MAD1L1: variants seen among roughly 807,000 people sequenced by gnomAD.
MAD1L1 encodes mitotic spindle assembly checkpoint protein MAD1.
A neutral mutation model predicts 96.9 loss-of-function variants in MAD1L1; 95 were observed. The observed-to-expected ratio is 0.98, with a 90% confidence interval of 0.83 to 1.16. The LOEUF (loss-of-function observed/expected upper bound fraction) is 1.16, where lower values mean the gene tolerates loss of function less well. MAD1L1 is among the 50% of genes most tolerant of loss of function. The probability of loss-of-function intolerance (pLI) is 0.00; values close to 1 mark genes in which losing one functional copy is unlikely to be tolerated. For synonymous variants in MAD1L1, 473 were observed against 396.6 expected (o/e 1.19, Z -2.29); for missense variants, 1,007 against 954.4 (o/e 1.06, Z -0.73).
rs183263018 is a variant in MAD1L1, at chr7:1,839,621, A to G, written c.1999-23393T>C. On this transcript the variant is annotated intron_variant, in intron 18 of 18. Coordinates refer to ENST00000265854, the MANE Select transcript of MAD1L1 (RefSeq NM_001013836.2). ...TTAGTCAAAGGAGTAACTTTCTAAC[A>G]GTTTAAACGCGCGAGATGGGATGTG... Among the ~76,000 whole-genome samples, 21 of 152,344 alleles carry G rather than the reference A, an allele frequency of 1.4e-4. No individual in the cohort carries two copies. In the East Asian group the frequency reaches 3.7e-3, roughly 27 times the overall value.
chr7:1,908,876 T>G (rs544695039), intron 17 of MAD1L1, among the ~76,000 whole-genome samples: 1 of 152,152 alleles, frequency 6.6e-6, no homozygotes, highest in Non-Finnish European at 1.5e-5. Flanking sequence ...CCCAAGTGTC[T>G]ATTTCCCACC....
At chr7:2,133,289 C>T (rs7801547) in intron 11 of MAD1L1, among the ~76,000 whole-genome samples, 5,532 of 147,426 alleles carry the variant, frequency 0.038, 44 homozygotes, top group African/African-American at 0.074. Flanking sequence ...GTTCAGAGCT[C>T]ACCCATTTTC....
intron 11 of MAD1L1, among the ~76,000 whole-genome samples, chr7:2,124,332 GGGGGTGTGGAACTACCAC>G (rs1256750504): frequency 1.3e-5 from 2 of 152,206 alleles, no homozygotes; most frequent in Non-Finnish European, 2.9e-5. Flanking sequence ...GCACAGACAC[GGGGGTGTGGAACTACCAC>G]GGGGCGTGGA....
At chr7:1,888,365 CGTGT>C (rs1786290815) in intron 18 of MAD1L1, among the ~76,000 whole-genome samples, 1 of 146,320 alleles carries the variant, frequency 6.8e-6, no homozygotes, top group East Asian at 2.1e-4. Context: ...TGCATGCATG[CGTGT>C]ATGTGGCTGC....
chr7:1,856,444 G>A (rs562063608), intron 18 of MAD1L1, among the ~76,000 whole-genome samples: 7 of 152,350 alleles, frequency 4.6e-5, no homozygotes, highest in South Asian at 2.1e-4. Flanking sequence ...GGGATGGGAA[G>A]GGGGAACCAG....
intron 18 of MAD1L1, among the ~76,000 whole-genome samples, chr7:1,841,558 C>T (rs1221077212): frequency 1.3e-5 from 2 of 152,226 alleles, no homozygotes; most frequent in Non-Finnish European, 2.9e-5. Flanking sequence ...GGCACCACGT[C>T]ACTCACGAGA....
chr7:2,197,875 G>C (rs1214798633), intron 10 of MAD1L1, among the ~76,000 whole-genome samples: 1 of 152,074 alleles, frequency 6.6e-6, no homozygotes, highest in African/African-American at 2.4e-5. Context: ...CTGCCTGAGA[G>C]CCAAAACTGG....
intron 12 of MAD1L1, among the ~76,000 whole-genome samples, chr7:2,022,197 G>A (rs1186884862): frequency 1.3e-5 from 2 of 152,226 alleles, no homozygotes; most frequent in African/African-American, 4.8e-5. Context: ...TGACGATGGT[G>A]CAGGGATGGG....
chr7:2,084,899 C>T (rs1584281822), intron 11 of MAD1L1, among the ~76,000 whole-genome samples: 2 of 152,292 alleles, frequency 1.3e-5, no homozygotes, highest in South Asian at 4.1e-4. Flanking sequence ...AAGAAACTCG[C>T]CACATGTGGG....
chr7:2,037,937 G>A (rs1485105689), intron 12 of MAD1L1, among the ~76,000 whole-genome samples: 1 of 152,192 alleles, frequency 6.6e-6, no homozygotes, highest in African/African-American at 2.4e-5. Context: ...AGTGAGGAAG[G>A]CGTGCCAAAA....
intron 17 of MAD1L1, among the ~76,000 whole-genome samples, chr7:1,907,740 C>A (rs542456241): frequency 2.6e-5 from 4 of 152,256 alleles, no homozygotes; most frequent in Non-Finnish European, 5.9e-5. Flanking sequence ...TCGGCAATAA[C>A]GTGTTCCTCT....
At chr7:2,102,361 T>C (rs1413951539) in intron 11 of MAD1L1, among the ~76,000 whole-genome samples, 6 of 138,828 alleles carry the variant, frequency 4.3e-5, no homozygotes, top group African/African-American at 1.7e-4. Context: ...ATCACCACCG[T>C]CACTATCACC....
At chr7:1,947,949 G>A (rs955561701) in intron 16 of MAD1L1, among the ~76,000 whole-genome samples, 2 of 152,210 alleles carry the variant, frequency 1.3e-5, no homozygotes, top group Non-Finnish European at 2.9e-5. Flanking sequence ...GCAGCCTGAA[G>A]CAGACAGAGA....
At chr7:2,230,293 A>AGTTGCC in intron 2 of MAD1L1, 150 bp from the exon 3 acceptor site, 1 of 560,748 alleles carries the variant, frequency 1.8e-6, no homozygotes, top group Non-Finnish European at 3.1e-6. Context: ...CTTCAATGGC[A>AGTTGCC]ACTGGGAGCC....
At chr7:1,899,970 C>T (rs1271366660) in intron 17 of MAD1L1, among the ~76,000 whole-genome samples, 2 of 152,226 alleles carry the variant, frequency 1.3e-5, no homozygotes, top group African/African-American at 4.8e-5. Flanking sequence ...CTGAACCTAC[C>T]CCTTCACCCC....
intron 10 of MAD1L1, among the ~76,000 whole-genome samples, chr7:2,212,365 A>G (rs1792991988): frequency 6.6e-6 from 1 of 152,206 alleles, no homozygotes; most frequent in African/African-American, 2.4e-5. Flanking sequence ...ATCGTCTTCC[A>G]CTATGGTGGG....
rs1562425913 is a variant in MAD1L1, at chr7:1,822,444, T to TATATA, written c.1999-6217_1999-6216insTATAT. Reference sequence around the variant, plus strand: ...CAAACCTCAGCATATATATATATATTTTTTTTTTTTTTTTGGAAAGAGGGT... The same window carrying TATATA: ...CAAACCTCAGCATATATATATATATTATATATTTTTTTTTTTTTTGGAAAGAGGGT... On this transcript the variant is annotated intron_variant, in intron 18 of 18. Coordinates refer to ENST00000265854, the MANE Select transcript of MAD1L1 (RefSeq NM_001013836.2). Among the ~76,000 whole-genome samples, 80 of 86,994 alleles carry TATATA rather than the reference T, an allele frequency of 9.2e-4. 2 individuals are homozygous for TATATA. Among genetic ancestry groups the TATATA allele is most frequent in the African/African-American group, 1.4e-3 (38 of 27,376 alleles). The allele number at this position is 86,994 out of a possible 152,430, so 57.1% of individuals were successfully genotyped here. A position where few individuals can be genotyped will look rare whatever the true frequency, so the allele number is the denominator to read the frequency against.
chr7:1,933,982 C>A (rs1230408358), intron 17 of MAD1L1, among the ~76,000 whole-genome samples: 3 of 152,226 alleles, frequency 2.0e-5, no homozygotes, highest in Non-Finnish European at 2.9e-5. Flanking sequence ...TCAGTCCTTT[C>A]ACTGCTCACC....
chr7:2,078,959 G>C (rs947331971), intron 11 of MAD1L1, among the ~76,000 whole-genome samples: 13 of 152,350 alleles, frequency 8.5e-5, no homozygotes. Context: ...GCTGGGGGGA[G>C]ATGCCCCAGT....
Sources: allele counts gnomAD v4.1 joint callset (sites outside exome capture counted in the v4.1 genomes callset), GRCh38; gene constraint gnomAD v4.1.1; transcripts MANE v1.5; gene names NCBI Gene and HGNC (gene_info 2026-07-23, HGNC 2026-07-21).